DHX15: variants seen among roughly 807,000 people sequenced by gnomAD.
DHX15 encodes the protein DEAH-box helicase 15.
Under a neutral mutation model 94.4 loss-of-function variants are expected in DHX15, and 11 were observed. That is an observed-to-expected ratio of 0.12 (90% CI 0.07 to 0.19). The LOEUF (loss-of-function observed/expected upper bound fraction) is 0.19. Ranked by LOEUF, DHX15 falls within the 10% of genes least tolerant of loss-of-function variation. The probability of loss-of-function intolerance (pLI) is 1.00; values close to 1 mark genes in which losing one functional copy is unlikely to be tolerated. For missense variants in DHX15, 304 were observed against 988.5 expected, an observed-to-expected ratio of 0.31 and a Z score of 9.29; for synonymous variants, 338 against 329.9, an observed-to-expected ratio of 1.02 and a Z score of -0.27.
chr4:24,582,235 C>T (rs1337997270), intron 1 of DHX15, among the ~76,000 whole-genome samples: 1 of 152,180 alleles, frequency 6.6e-6, no homozygotes, highest in Non-Finnish European at 1.5e-5. Context: ...AAAAACTTCC[C>T]TCTACTATTT....
chr4:24,547,044 C>T lies in DHX15; in HGVS notation c.1248+1811G>A, dbSNP rs187920978. The stretch of plus-strand genomic sequence containing the variant: ...CTTTAAATTTGTGCTTAACATGCTG[C>T]GCCTCAGAATGTTCTTCCTCATAAT... On this transcript the variant is annotated intron_variant, in intron 6 of 13. Transcript: ENST00000336812. Among the ~76,000 whole-genome samples the T allele has an allele frequency of 4.6e-5, 7 of 152,288 alleles. No homozygotes were observed. The East Asian group carries it at 5.8e-4, about 13-fold the overall frequency.
intron 12 of DHX15, 141 bp from the exon 13 acceptor site, chr4:24,529,911 G>A: frequency 1.2e-6 from 1 of 851,900 alleles, no homozygotes; most frequent in South Asian, 1.6e-5. Flanking sequence ...TCTGATAAAA[G>A]CAGAGATAAG....
At chr4:24,559,691 T>TA (rs1721821062) in intron 3 of DHX15, among the ~76,000 whole-genome samples, 1 of 152,178 alleles carries the variant, frequency 6.6e-6, no homozygotes, top group South Asian at 2.1e-4. Flanking sequence ...CTGGGTGCCT[T>TA]ACTATCTACA....
intron 4 of DHX15, 108 bp from the exon 5 acceptor site, chr4:24,555,051 T>C: frequency 2.8e-6 from 2 of 703,308 alleles, no homozygotes; most frequent in South Asian, 2.5e-5. Context: ...AAAATGCCCA[T>C]GAAAACCTTC....
chr4:24,547,897 GTATGTGTATATATATATATATATATATA>G (rs1721467394), intron 6 of DHX15, among the ~76,000 whole-genome samples: 1 of 55,770 alleles, frequency 1.8e-5, no homozygotes, highest in East Asian at 6.2e-4. Flanking sequence ...CTCTATGTAT[GTATGTGTATATATATATATATATATATA>G]TATATATATA....
chr4:24,576,195 TA>T (rs1722263899), intron 2 of DHX15, 47 bp downstream of exon 2: 10 of 1,485,518 alleles, frequency 6.7e-6, no homozygotes, highest in Admixed American at 1.8e-5. Context: ...CAACATTTGG[TA>T]AACTTAAACA....
intron 13 of DHX15, 142 bp from the exon 14 acceptor site, chr4:24,528,183 C>T (rs1270034324): frequency 8.5e-6 from 5 of 591,682 alleles, no homozygotes; most frequent in Non-Finnish European, 1.5e-5. Context: ...ATACAAATAA[C>T]TAATCCTTAC....
At chr4:24,549,431 G>C (rs766324502) in intron 5 of DHX15, among the ~76,000 whole-genome samples, 1 of 152,202 alleles carries the variant, frequency 6.6e-6, no homozygotes, top group Non-Finnish European at 1.5e-5. Flanking sequence ...TTAATGTCAC[G>C]TATCACTAAT....
At chr4:24,530,176 AT>A (rs1286692055) in intron 12 of DHX15, 2 of 250,206 alleles carry the variant, frequency 8.0e-6, no homozygotes, top group Admixed American at 5.4e-5. Context: ...CAAGGACTTC[AT>A]GGGTCCACAG....
At chr4:24,531,090 A>AT (rs368953985) in intron 12 of DHX15, among the ~76,000 whole-genome samples, 9,240 of 142,934 alleles carry the variant, frequency 0.065, 361 homozygotes, top group African/African-American at 0.11. Flanking sequence ...AGTTTCATCA[A>AT]TTTTTTTTTT....
chr4:24,578,952 G>A (rs980241884), intron 1 of DHX15, among the ~76,000 whole-genome samples: 1 of 152,100 alleles, frequency 6.6e-6, no homozygotes, highest in African/African-American at 2.4e-5. Context: ...AGGTGACAAA[G>A]TAAATCATGT....
At chr4:24,576,988 T>C (rs529705403) in intron 1 of DHX15, among the ~76,000 whole-genome samples, 16 of 152,080 alleles carry the variant, frequency 1.1e-4, no homozygotes, top group Non-Finnish European at 2.4e-4. Context: ...ATACTGAGGG[T>C]AGGATGAAGA....
At chr4:24,543,889 G>A (rs1379311833) in intron 6 of DHX15, among the ~76,000 whole-genome samples, 1 of 152,026 alleles carries the variant, frequency 6.6e-6, no homozygotes, top group Non-Finnish European at 1.5e-5. Flanking sequence ...GCAAGCAATT[G>A]ATACAGAAGA....
At position 24,537,882 on chromosome 4, in the gene DHX15, T is replaced by C. The variant is rs1721227635; in HGVS notation, c.1787-709A>G. ...TTAACAAAAGGATTAGAAAATAAAGTCCCAAATTTAAAAAAGAAAAAAAAC... is the reference window on the plus strand; with the variant it reads ...TTAACAAAAGGATTAGAAAATAAAGCCCCAAATTTAAAAAAGAAAAAAAAC... On this transcript the variant is annotated intron_variant, in intron 10 of 13. Coordinates refer to ENST00000336812, the MANE Select transcript of DHX15 (RefSeq NM_001358.3). This position sits in a 1 kb window ranked among gnomAD's most constrained non-coding sequence, Gnocchi z 4.7. 6.6e-6 allele frequency: 1 copy of C among 151,562 alleles called. No individual in the cohort carries two copies. The highest frequency in any genetic ancestry group is 6.6e-5 in the Admixed American group (1 of 15,204). The allele number at this position is 151,562 out of a possible 1,614,324, so 9.4% of individuals were successfully genotyped here.
intron 7 of DHX15, 28 bp downstream of exon 7, chr4:24,542,912 A>AT (rs1250407423): frequency 6.4e-7 from 1 of 1,550,610 alleles, no homozygotes; most frequent in East Asian, 2.2e-5. Context: ...ACCAACTCTA[A>AT]TTTATAAAGT....
intron 2 of DHX15, among the ~76,000 whole-genome samples, chr4:24,575,166 AAAAAG>A (rs1457382842): frequency 1.3e-5 from 2 of 151,962 alleles, no homozygotes; most frequent in Non-Finnish European, 2.9e-5. Flanking sequence ...TAAAAAAAAA[AAAAAG>A]AAAAGAAAAG....
rs191190859 is a variant in DHX15 at position 24,561,117 on chromosome 4, T to C, written c.702-4707A>G. Among the ~76,000 whole-genome samples, 4 of 152,322 alleles carry C rather than the reference T, an allele frequency of 2.6e-5. No homozygotes were observed. The East Asian group carries it at 5.8e-4, about 22-fold the overall frequency. On this transcript the variant is annotated intron_variant, in intron 3 of 13. Transcript: ENST00000336812. The stretch of plus-strand genomic sequence containing the variant: ...GATGTGTATGCGTGAAAAAAATGTG[T>C]GTACAAGTTTGTAAGAGGATACGGA...
intron 3 of DHX15, among the ~76,000 whole-genome samples, chr4:24,557,143 C>T (rs1395219): frequency 0.98 from 149,703 of 152,232 alleles, 73,652 homozygotes; most frequent in East Asian, 1. Context: ...ACAAGACAGG[C>T]GCCACGTAAG....
In DHX15 at chr4:24,545,494, A is replaced by G. The variant is rs532850681; in HGVS notation, c.1249-2468T>C. The stretch of plus-strand genomic sequence containing the variant: ...ACTTGGCAAACCCTCGTCATTATTG[A>G]TATTAGTAAGAGCCTATTGCCAGCC... On this transcript the variant is annotated intron_variant, in intron 6 of 13. Transcript: ENST00000336812. 1.3e-4 allele frequency among the ~76,000 whole-genome samples: 20 copies of G among 152,348 alleles called. No homozygotes were observed. In the East Asian group the frequency reaches 3.9e-3, roughly 29 times the overall value.
Sources: allele counts gnomAD v4.1 joint callset (sites outside exome capture counted in the v4.1 genomes callset), GRCh38; gene constraint gnomAD v4.1.1; non-coding constraint Gnocchi (gnomAD v3.1); transcripts MANE v1.5; gene names NCBI Gene and HGNC (gene_info 2026-07-23, HGNC 2026-07-21).